The following FUT8 variants were observed in gnomAD, a reference collection of about 807,000 sequenced individuals.
The protein encoded by FUT8 is alpha-(1,6)-fucosyltransferase.
Under a neutral mutation model 71.3 loss-of-function variants are expected in FUT8, and 29 were observed. The ratio of observed to expected loss-of-function variants is 0.41; its 90% confidence interval spans 0.30 to 0.55. The LOEUF is 0.55. Among genes scored for constraint, FUT8 ranks in the 20% least tolerant of loss-of-function variants. FUT8 has a pLI of 0.34. For synonymous variants in FUT8, 254 were observed against 239.3 expected (o/e 1.06, Z -0.57); for missense variants, 544 against 702.1 (o/e 0.77, Z 2.55).
intron 1 of FUT8, chr14:65,430,300 G>A (rs953675150): frequency 2.6e-5 from 4 of 151,986 alleles, no homozygotes; most frequent in Non-Finnish European, 5.9e-5. Flanking sequence ...AAAATGTTGG[G>A]ATTACAGGGG....
In FUT8 at chr14:65,743,168, A is replaced by G. The variant is rs1241376355; in HGVS notation, c.*758A>G. 1.3e-5 allele frequency: 2 copies of G among 152,366 alleles called. No homozygotes were observed. Among genetic ancestry groups the G allele is most frequent in the Non-Finnish European group, 2.9e-5 (2 of 67,916 alleles). 9.4% of individuals were successfully genotyped at this position (152,366 alleles called of 1,614,324 possible). ...TTTTGTAAAGTTTCTAGAATTTTAT[A>G]TCATTGGATGATATGTTGATCAGCC... On this transcript the variant is annotated 3_prime_UTR_variant, in exon 11 of 11. Transcript: ENST00000673929.
intron 3 of FUT8, among the ~76,000 whole-genome samples, chr14:65,567,404 A>G (rs1366888673): frequency 6.6e-6 from 1 of 151,908 alleles, no homozygotes; most frequent in Admixed American, 6.6e-5. Context: ...GTAGAAAGGA[A>G]ACTGAAGTGG....
intron 2 of FUT8, among the ~76,000 whole-genome samples, chr14:65,492,629 T>A (rs1035850073): frequency 2.0e-5 from 3 of 152,184 alleles, no homozygotes; most frequent in African/African-American, 7.2e-5. Flanking sequence ...GTTAAACTCC[T>A]TTAAATTTAA....
the FUT8 span, among the ~76,000 whole-genome samples, chr14:65,392,868 T>G: frequency 6.6e-6 from 1 of 152,202 alleles, no homozygotes; most frequent in African/African-American, 2.4e-5. Flanking sequence ...AACACCCAGT[T>G]AAATCTGAGT....
chr14:65,452,988 TTTGA>T (rs1232101763), intron 1 of FUT8, among the ~76,000 whole-genome samples: 1 of 152,184 alleles, frequency 6.6e-6, no homozygotes, highest in East Asian at 1.9e-4. Context: ...CTGGGTTGGT[TTTGA>T]TTGATTGATA....
At chr14:65,454,064 G>A (rs1382113094) in intron 1 of FUT8, among the ~76,000 whole-genome samples, 2 of 152,190 alleles carry the variant, frequency 1.3e-5, no homozygotes, top group Non-Finnish European at 2.9e-5. Flanking sequence ...TCTGGAAACT[G>A]TCATGTATTT....
chr14:65,729,833 A>G (rs114848059), intron 9 of FUT8, among the ~76,000 whole-genome samples: 1 of 152,234 alleles, frequency 6.6e-6, no homozygotes, highest in African/African-American at 2.4e-5. Flanking sequence ...CTCCCCTGCC[A>G]GTGGTAGTCC....
chr14:65,723,879 T>C (rs572586191), intron 8 of FUT8, among the ~76,000 whole-genome samples: 2 of 152,256 alleles, frequency 1.3e-5, no homozygotes, highest in African/African-American at 4.8e-5. Context: ...ATTCCTAAGA[T>C]GTGAATTATT....
chr14:65,400,193 C>G, the FUT8 span, among the ~76,000 whole-genome samples: 2 of 152,182 alleles, frequency 1.3e-5, no homozygotes, highest in South Asian at 2.1e-4. Context: ...CATGTGGCAT[C>G]CAGTCAACCA....
intron 2 of FUT8, among the ~76,000 whole-genome samples, chr14:65,512,681 C>A (rs1216407407): frequency 6.6e-6 from 1 of 151,572 alleles, no homozygotes; most frequent in Non-Finnish European, 1.5e-5. Flanking sequence ...GAGGCCGAGG[C>A]GGGTGGATCA....
intron 5 of FUT8, among the ~76,000 whole-genome samples, chr14:65,625,598 G>A (rs1183888985): frequency 6.6e-6 from 1 of 152,192 alleles, no homozygotes; most frequent in Non-Finnish European, 1.5e-5. Context: ...CCTCTTGCCT[G>A]TTTTAAAAGG....
chr14:65,430,924 C>T (rs867638157), intron 1 of FUT8, among the ~76,000 whole-genome samples: 3 of 151,522 alleles, frequency 2.0e-5, no homozygotes, highest in Middle Eastern at 7.0e-3. Context: ...CTCTAAAATA[C>T]TTGGTTGCAT....
chr14:65,501,019 T>C (rs1388172891), intron 2 of FUT8, among the ~76,000 whole-genome samples: 2 of 152,208 alleles, frequency 1.3e-5, no homozygotes, highest in Non-Finnish European at 2.9e-5. Flanking sequence ...AATATTTTCT[T>C]ATGGACTTAC....
At chr14:65,365,328 CCTCTCTCTCTCTCT>C in the FUT8 span, among the ~76,000 whole-genome samples, 19 of 139,074 alleles carry the variant, frequency 1.4e-4, no homozygotes, top group African/African-American at 3.5e-4. Context: ...ATAAATTCTT[CCTCTCTCTCTCTCT>C]CTCTCTCTCT....
intron 1 of FUT8, chr14:65,430,066 C>T (rs530522710): frequency 6.6e-6 from 1 of 151,370 alleles, no homozygotes; most frequent in African/African-American, 2.4e-5. Context: ...GTTGCCCAGG[C>T]TGTAGTGCTG....
At chr14:65,587,818 A>G (rs1799877445) in intron 3 of FUT8, among the ~76,000 whole-genome samples, 1 of 152,222 alleles carries the variant, frequency 6.6e-6, no homozygotes, top group Admixed American at 6.5e-5. Flanking sequence ...GTCTGAATTA[A>G]TGACAAATGT....
chr14:65,590,841 A>G (rs1246245804), intron 3 of FUT8, among the ~76,000 whole-genome samples: 3 of 152,228 alleles, frequency 2.0e-5, no homozygotes, highest in African/African-American at 7.2e-5. Context: ...CTGGCACTCC[A>G]TCTCCCTGGA....
intron 2 of FUT8, among the ~76,000 whole-genome samples, chr14:65,527,721 G>A (rs1566803799): frequency 2.6e-5 from 4 of 152,112 alleles, no homozygotes; most frequent in African/African-American, 7.2e-5. Context: ...ATACAGATGG[G>A]GTTCTGGAGT....
intron 6 of FUT8, among the ~76,000 whole-genome samples, chr14:65,634,561 TAAA>T (rs35052434): frequency 4.0e-5 from 5 of 124,040 alleles, no homozygotes; most frequent in African/African-American, 8.8e-5. Context: ...AATGATCAAT[TAAA>T]AAAAAAAAAA....
Sources: allele counts gnomAD v4.1 joint callset (sites outside exome capture counted in the v4.1 genomes callset), GRCh38; gene constraint gnomAD v4.1.1; transcripts MANE v1.5; gene names NCBI Gene and HGNC (gene_info 2026-07-23, HGNC 2026-07-21).